Variants in MCF2 observed in about 807,000 individuals in gnomAD.
The protein encoded by MCF2 is proto-oncogene DBL.
MCF2 carries 44 observed loss-of-function variants against 82.5 expected under a neutral mutation model. That is an observed-to-expected ratio of 0.53 (90% CI 0.42 to 0.69). The LOEUF (loss-of-function observed/expected upper bound fraction) is 0.69, where lower values mean the gene tolerates loss of function less well. Ranked by LOEUF, MCF2 falls within the 30% of genes least tolerant of loss-of-function variation. MCF2 has a pLI of 0.00. For synonymous variants in MCF2, 217 were observed against 224.9 expected (o/e 0.96, Z 0.32); for missense variants, 623 against 663.1 (o/e 0.94, Z 0.66).
At chrX:139,584,190 C>T (rs1234549750) in intron 24 of MCF2, among the ~76,000 whole-genome samples, 1 of 93,018 alleles carries the variant, frequency 1.1e-5, no homozygotes, top group African/African-American at 4.3e-5. Flanking sequence ...GGCTGGAGTG[C>T]AAGGGCACTA....
At chrX:139,627,416 T>G (rs764345343) in intron 4 of MCF2, among the ~76,000 whole-genome samples, 1 of 112,255 alleles carries the variant, frequency 8.9e-6, no homozygotes, top group Non-Finnish European at 1.9e-5. Flanking sequence ...TTACTTCACA[T>G]TTAGGTTTAA....
intron 17 of MCF2, 108 bp from the exon 22 acceptor site, chrX:139,597,693 C>T: frequency 1.7e-6 from 1 of 585,902 alleles, no homozygotes; most frequent in Non-Finnish European, 2.6e-6. Flanking sequence ...TATAATGTCA[C>T]ATTTTGGAGT....
intron 5 of MCF2, 24 bp downstream of exon 8, chrX:139,626,593 GTAACTC>G (rs748301436): frequency 1.2e-5 from 14 of 1,165,915 alleles, no homozygotes; most frequent in South Asian, 5.8e-5. Flanking sequence ...TATAAAATAA[GTAACTC>G]TAAACCAAAA....
At chrX:139,633,511 G>A (rs1387335601) in intron 1 of MCF2, among the ~76,000 whole-genome samples, 1 of 111,111 alleles carries the variant, frequency 9.0e-6, no homozygotes, top group East Asian at 2.8e-4. Context: ...GCCTTCATTT[G>A]CCCCTAAGTC....
chrX:139,640,136 C>G (rs1933479238), intron 1 of MCF2, among the ~76,000 whole-genome samples: 1 of 111,653 alleles, frequency 9.0e-6, no homozygotes, highest in Non-Finnish European at 1.9e-5. Flanking sequence ...GTTTGCCATT[C>G]AGGGATGATT....
chrX:139,686,781 A>G (rs952624769), intron 1 of MCF2, among the ~76,000 whole-genome samples: 10 of 111,130 alleles, frequency 9.0e-5, no homozygotes, highest in Non-Finnish European at 1.9e-4. Context: ...CACCTCCACA[A>G]ATTACCTCTC....
intron 19 of MCF2, among the ~76,000 whole-genome samples, chrX:139,590,763 T>C (rs1165209008): frequency 9.0e-6 from 1 of 110,804 alleles, no homozygotes; most frequent in Non-Finnish European, 1.9e-5. Flanking sequence ...TCTCACTCTC[T>C]GTTCTAGTTA....
At chrX:139,581,913 G>A (rs377766834) in exon 25 of MCF2, 2 of 112,131 alleles carry the variant, frequency 1.8e-5, no homozygotes, top group African/African-American at 6.5e-5. Flanking sequence ...TTTTAAATAC[G>A]GCTTTTGTAA....
intron 4 of MCF2, among the ~76,000 whole-genome samples, 172 bp from the exon 8 acceptor site, chrX:139,626,928 A>G (rs1056688202): frequency 8.9e-6 from 1 of 111,776 alleles, no homozygotes; most frequent in Admixed American, 9.5e-5. Flanking sequence ...CAGTGCCACA[A>G]AATCTAAAAG....
At chrX:139,618,471 AATT>A (rs1409080390) in intron 7 of MCF2, among the ~76,000 whole-genome samples, 2 of 111,084 alleles carry the variant, frequency 1.8e-5, no homozygotes, top group African/African-American at 6.5e-5. Context: ...TAAGACGGTA[AATT>A]TCATGTTATG....
At chrX:139,671,919 C>T (rs772267878) in intron 1 of MCF2, among the ~76,000 whole-genome samples, 2 of 111,588 alleles carry the variant, frequency 1.8e-5, no homozygotes, top group South Asian at 3.8e-4. Flanking sequence ...TGGCCATTTT[C>T]GCGATACTGA....
chrX:139,670,653 T>G (rs1934658520), intron 1 of MCF2, among the ~76,000 whole-genome samples: 1 of 111,789 alleles, frequency 8.9e-6, no homozygotes, highest in Non-Finnish European at 1.9e-5. Context: ...CATCCCTTTT[T>G]ATGGCTGCAT....
At chrX:139,686,002 C>T (rs1188210948) in intron 1 of MCF2, among the ~76,000 whole-genome samples, 2 of 108,480 alleles carry the variant, frequency 1.8e-5, no homozygotes, top group African/African-American at 3.4e-5. Context: ...GAACTAAAAA[C>T]AAAAACCACA....
chrX:139,596,472 G>A, intron 19 of MCF2, 77 bp downstream of exon 23: 1 of 816,701 alleles, frequency 1.2e-6, no homozygotes, highest in Non-Finnish European at 1.8e-6. Context: ...CTACTCATTT[G>A]AAACAAAAAA....
At chrX:139,632,698 T>C (rs956252708) in intron 1 of MCF2, among the ~76,000 whole-genome samples, 6 of 111,546 alleles carry the variant, frequency 5.4e-5, no homozygotes, top group Non-Finnish European at 1.1e-4. Context: ...ACTAAAGAAG[T>C]AGATCCAACC....
chrX:139,629,108 A>G lies in MCF2; in HGVS notation c.438+587T>C, dbSNP rs1019789686. 3.6e-5 allele frequency among the ~76,000 whole-genome samples: 4 copies of G among 112,271 alleles called. No homozygotes were observed. In the East Asian group the frequency reaches 1.1e-3, roughly 31 times the overall value. On this transcript the variant is annotated intron_variant, in intron 4 of 24. Transcript: ENST00000370576. Reference sequence around the variant, plus strand: ...GAGAAATGCATTGTTAGGCAATTTCATCATTTTGTGAACATCACAGAGTGC... The same window carrying G: ...GAGAAATGCATTGTTAGGCAATTTCGTCATTTTGTGAACATCACAGAGTGC...
At chrX:139,604,522 C>A (rs2148432534) in intron 15 of MCF2, among the ~76,000 whole-genome samples, 159 bp downstream of exon 19, 1 of 110,678 alleles carries the variant, frequency 9.0e-6, no homozygotes, top group East Asian at 2.8e-4. Context: ...ATTTCTGCAG[C>A]AAAACTTGGT....
At chrX:139,614,738 C>T in intron 10 of MCF2, 143 bp downstream of exon 13, 1 of 550,459 alleles carries the variant, frequency 1.8e-6, no homozygotes, top group Admixed American at 3.7e-5. Flanking sequence ...TGACTCTTGC[C>T]TTGCACAATA....
chrX:139,634,192 T>C (rs1381775705), intron 1 of MCF2, among the ~76,000 whole-genome samples: 1 of 111,496 alleles, frequency 9.0e-6, no homozygotes, highest in African/African-American at 3.3e-5. Context: ...GATGGCAGAT[T>C]AGAGCATAAT....
Sources: gnomAD v4.1 joint callset for allele counts (sites outside exome capture counted in the v4.1 genomes callset) on GRCh38, gnomAD v4.1.1 for gene constraint, MANE v1.5 for transcripts, NCBI Gene and HGNC (gene_info 2026-07-23, HGNC 2026-07-21) for gene names.